The following SGCZ variants were observed in gnomAD, a reference collection of about 807,000 sequenced individuals.
The protein encoded by SGCZ is sarcoglycan zeta.
SGCZ carries 40 observed loss-of-function variants against 41.3 expected under a neutral mutation model. That is an observed-to-expected ratio of 0.97 (90% CI 0.75 to 1.26). The LOEUF (loss-of-function observed/expected upper bound fraction) is 1.26, where lower values mean the gene tolerates loss of function less well. SGCZ is among the 50% of genes most tolerant of loss of function. SGCZ has a pLI of 0.00. For synonymous variants in SGCZ, 206 were observed against 137.5 expected (o/e 1.50, Z -3.49); for missense variants, 552 against 369.8 (o/e 1.49, Z -4.04).
Position 14,532,327 on chromosome 8 carries a change from T to C in SGCZ, c.234+22405A>G, listed in dbSNP as rs551571530. ...GAGTAAACCTTCCAGTAAAGCTGAA[T>C]GGAGTCTTGGTAAAGCTAACTAGTG... On this transcript the variant is annotated intron_variant, in intron 2 of 7. Transcript: ENST00000382080. 1.2e-3 allele frequency among the ~76,000 whole-genome samples: 176 copies of C among 152,202 alleles called. 1 individual carries two copies. Among genetic ancestry groups the C allele is most frequent in the African/African-American group, 3.5e-3 (147 of 41,568 alleles).
At chr8:15,207,788 G>A (rs1801114627) in intron 1 of SGCZ, among the ~76,000 whole-genome samples, 1 of 152,028 alleles carries the variant, frequency 6.6e-6, no homozygotes, top group South Asian at 2.1e-4. Context: ...TATATAAGGA[G>A]GGAAAGAAGG....
At chr8:14,736,359 A>T (rs1799028554) in intron 1 of SGCZ, among the ~76,000 whole-genome samples, 1 of 152,148 alleles carries the variant, frequency 6.6e-6, no homozygotes, top group African/African-American at 2.4e-5. Context: ...AATCTGCAAC[A>T]TTTTTTTATT....
chr8:14,976,157 G>A (rs531374930), intron 1 of SGCZ, among the ~76,000 whole-genome samples: 1 of 151,616 alleles, frequency 6.6e-6, no homozygotes, highest in Admixed American at 6.6e-5. Context: ...GAAGTAGCTG[G>A]GATACAGGCG....
At chr8:14,133,577 G>T (rs1803105412) in intron 5 of SGCZ, among the ~76,000 whole-genome samples, 1 of 152,148 alleles carries the variant, frequency 6.6e-6, no homozygotes, top group African/African-American at 2.4e-5. Flanking sequence ...GGTGTCTGAA[G>T]ACTGCCATAG....
chr8:14,336,616 T>C (rs1292162061), intron 2 of SGCZ, among the ~76,000 whole-genome samples: 1 of 152,146 alleles, frequency 6.6e-6, no homozygotes, highest in Admixed American at 6.6e-5. Flanking sequence ...GTTATGACTT[T>C]TTAATCATAG....
At position 14,854,018 on chromosome 8, in the gene SGCZ, A is replaced by ACAT. The variant is rs2130661532; in HGVS notation, c.40-299093_40-299092insATG. ...TAACGACATCAGTTTCTATGTGATT[A>ACAT]TATTATATATATATATATATATATA... On this transcript the variant is annotated intron_variant, in intron 1 of 7. Transcript: ENST00000382080. Among the ~76,000 whole-genome samples the ACAT allele has an allele frequency of 1.4e-4, 8 of 55,362 alleles. No homozygotes were observed. The South Asian group carries it at 3.9e-3, about 27-fold the overall frequency. The allele number at this position is 55,362 out of a possible 152,430, so 36.3% of individuals were successfully genotyped here. A position where few individuals can be genotyped will look rare whatever the true frequency, so the allele number is the denominator to read the frequency against.
chr8:15,222,175 C>G (rs1421098798), intron 1 of SGCZ, among the ~76,000 whole-genome samples: 1 of 152,036 alleles, frequency 6.6e-6, no homozygotes, highest in African/African-American at 2.4e-5. Flanking sequence ...ATTTTATATT[C>G]TAAAGGGGGC....
At chr8:15,216,714 T>C (rs1801415650) in intron 1 of SGCZ, among the ~76,000 whole-genome samples, 3 of 152,136 alleles carry the variant, frequency 2.0e-5, no homozygotes, top group Non-Finnish European at 4.4e-5. Flanking sequence ...AGGGCAAGTA[T>C]TTTAAAGAAA....
At chr8:14,142,166 G>T (rs761785829) in intron 5 of SGCZ, among the ~76,000 whole-genome samples, 1 of 152,096 alleles carries the variant, frequency 6.6e-6, no homozygotes, top group South Asian at 2.1e-4. Flanking sequence ...AGGGCCTGTC[G>T]AGGGGTGGAG....
At chr8:15,222,126 G>T (rs1209052728) in intron 1 of SGCZ, among the ~76,000 whole-genome samples, 1 of 151,988 alleles carries the variant, frequency 6.6e-6, no homozygotes, top group African/African-American at 2.4e-5. Flanking sequence ...TCCAAAAGAG[G>T]GCTTTGTAAA....
chr8:14,853,534 T>G (rs1278166929), intron 1 of SGCZ: 1 of 527,004 alleles, frequency 1.9e-6, no homozygotes, highest in South Asian at 1.4e-5. Flanking sequence ...GATTCTGAAG[T>G]CTCTTGATAA....
intron 1 of SGCZ, among the ~76,000 whole-genome samples, chr8:14,731,312 A>G (rs1055477098): frequency 2.7e-5 from 4 of 147,708 alleles, no homozygotes; most frequent in Non-Finnish European, 4.5e-5. Flanking sequence ...ACATGTTCCC[A>G]CTCATAAGTG....
chr8:15,229,957 A>AT (rs2117204698), intron 1 of SGCZ, among the ~76,000 whole-genome samples: 1 of 152,336 alleles, frequency 6.6e-6, no homozygotes, highest in South Asian at 2.1e-4. Flanking sequence ...TGAGTTAGTA[A>AT]TTAAAGCATT....
At position 14,264,132 on chromosome 8, in the gene SGCZ, G is replaced by C. The variant is rs533836119; in HGVS notation, c.337-26453C>G. ...ACCACAGGCGAACCTCAGTGACAAGGAGGCCATAGCTGCCCTGGTCCCAGT... is the reference window on the plus strand; with the variant it reads ...ACCACAGGCGAACCTCAGTGACAAGCAGGCCATAGCTGCCCTGGTCCCAGT... On this transcript the variant is annotated intron_variant, in intron 3 of 7. Transcript: ENST00000382080. Among the ~76,000 whole-genome samples, 5 of 152,316 alleles carry C rather than the reference G, an allele frequency of 3.3e-5. No individual in the cohort carries two copies. In the South Asian group the frequency reaches 1.0e-3, roughly 32 times the overall value.
At chr8:14,156,718 A>T (rs769175927) in intron 5 of SGCZ, among the ~76,000 whole-genome samples, 2 of 152,092 alleles carry the variant, frequency 1.3e-5, no homozygotes, top group African/African-American at 4.8e-5. Context: ...AGTTTTTCTA[A>T]AAAACATTTT....
chr8:15,005,884 T>C (rs1802594422), intron 1 of SGCZ, among the ~76,000 whole-genome samples: 1 of 152,224 alleles, frequency 6.6e-6, no homozygotes, highest in Non-Finnish European at 1.5e-5. Flanking sequence ...TAGGAATAAT[T>C]GCTGTGCTAT....
intron 3 of SGCZ, among the ~76,000 whole-genome samples, chr8:14,322,990 G>C (rs1475019952): frequency 6.6e-6 from 1 of 151,966 alleles, no homozygotes; most frequent in East Asian, 1.9e-4. Flanking sequence ...TGTAAGGTCA[G>C]GTATTCATAC....
intron 2 of SGCZ, among the ~76,000 whole-genome samples, chr8:14,383,450 C>T (rs1057514006): frequency 6.6e-6 from 1 of 152,186 alleles, no homozygotes; most frequent in Non-Finnish European, 1.5e-5. Context: ...TATGATGTTC[C>T]AGGCTAATTA....
At chr8:15,006,791 A>T (rs1248606936) in intron 1 of SGCZ, among the ~76,000 whole-genome samples, 4 of 152,176 alleles carry the variant, frequency 2.6e-5, no homozygotes, top group Non-Finnish European at 5.9e-5. Flanking sequence ...CCTGTCTCCC[A>T]TGTTTGAACC....
Sources: allele counts gnomAD v4.1 joint callset (sites outside exome capture counted in the v4.1 genomes callset), GRCh38; gene constraint gnomAD v4.1.1; transcripts MANE v1.5; gene names NCBI Gene and HGNC (gene_info 2026-07-23, HGNC 2026-07-21).